PCDHA5: variants seen among roughly 807,000 people sequenced by gnomAD.
PCDHA5 encodes the protein protocadherin alpha 5, also known as protocadherin alpha-5.
PCDHA5 carries 43 observed loss-of-function variants against 61.6 expected under a neutral mutation model. That is an observed-to-expected ratio of 0.70 (90% confidence interval 0.55 to 0.90). PCDHA5 has a LOEUF of 0.90. Among genes scored for constraint, PCDHA5 ranks in the 40% least tolerant of loss-of-function variants. The pLI, the probability that PCDHA5 is intolerant of heterozygous loss-of-function variation, is 0.00. For missense variants in PCDHA5, 1,298 were observed against 1,222.7 expected, an observed-to-expected ratio of 1.06 and a Z score of -0.92; for synonymous variants, 627 against 543.9, an observed-to-expected ratio of 1.15 and a Z score of -2.13.
Position 141,010,339 on chromosome 5 carries a change from A to G in PCDHA5, c.*402A>G. 2 of 1,534,058 alleles carry G rather than the reference A, an allele frequency of 1.3e-6. No homozygotes were observed. Among genetic ancestry groups the G allele is most frequent in the East Asian group, 4.9e-5 (2 of 40,762 alleles). On this transcript the variant is annotated 3_prime_UTR_variant, in exon 4 of 4. Transcript: ENST00000529859. ...TTGAGCAGCTTGGGAGTTTGTGGCC[A>G]CTGGGTATGTGTGGCTACCGCGGGT...
chr5:140,841,310 C>T, intron 1 of PCDHA5: 1 of 1,550,948 alleles, frequency 6.4e-7, no homozygotes, highest in South Asian at 1.2e-5. Context: ...TGATAGGAAA[C>T]GACTATTTAA....
At chr5:140,927,015 G>C in intron 1 of PCDHA5, 1 of 1,612,466 alleles carries the variant, frequency 6.2e-7, no homozygotes, top group Non-Finnish European at 8.5e-7. Context: ...ATCTCTCCGC[G>C]GACTTGAGGC....
At chr5:140,986,981 A>G (rs1180752989) in intron 3 of PCDHA5, among the ~76,000 whole-genome samples, 1 of 152,146 alleles carries the variant, frequency 6.6e-6, no homozygotes, top group Non-Finnish European at 1.5e-5. Flanking sequence ...TGGGAGGCCA[A>G]GGCAGGCAGA....
rs2150427952 is a variant in PCDHA5 at position 140,848,985 on chromosome 5, G to A, written c.2352+24858G>A. On this transcript the variant is annotated intron_variant, in intron 1 of 3. Transcript: ENST00000529859. ...GGGCGCGTCCGATGCAGATATCGGG[G>A]AGAACGCCCTGCTCACTTACAGACT... is the stretch of plus-strand genomic sequence containing the variant. 9 of 1,598,558 alleles carry A rather than the reference G, an allele frequency of 5.6e-6. 1 individual carries two copies. The highest frequency in any genetic ancestry group is 6.0e-6 in the Non-Finnish European group (7 of 1,170,226).
chr5:140,839,720 A>G (rs1398284509), intron 1 of PCDHA5, among the ~76,000 whole-genome samples: 1 of 152,072 alleles, frequency 6.6e-6, no homozygotes, highest in Admixed American at 6.6e-5. Context: ...AATTTAAATC[A>G]TTTCACAGAA....
rs1319882145 is a variant in PCDHA5, at chr5:140,858,933, A to G, written c.2352+34806A>G. ...GCTTATACTGCCATAGTAGATTTCA[A>G]TGTTCAGTGATTACAGCTTTTTCTC... is the stretch of plus-strand genomic sequence containing the variant. On this transcript the variant is annotated intron_variant, in intron 1 of 3. Transcript: ENST00000529859. The G allele has an allele frequency of 6.2e-5, 10 of 160,710 alleles. 1 individual carries two copies. The highest frequency in any genetic ancestry group is 2.4e-4 in the African/African-American group (10 of 41,146). The allele number at this position is 160,710 out of a possible 1,614,324, so 10.0% of individuals were successfully genotyped here. A position where few individuals can be genotyped will look rare whatever the true frequency, so the allele number is the denominator to read the frequency against.
chr5:140,835,261 T>A (rs2150232896), intron 1 of PCDHA5: 1 of 1,608,418 alleles, frequency 6.2e-7, no homozygotes, highest in Admixed American at 1.7e-5. Flanking sequence ...AAATCCAAGT[T>A]CCACATGGAC....
At chr5:140,859,490 G>A (rs2045887766) in intron 1 of PCDHA5, 1 of 204,502 alleles carries the variant, frequency 4.9e-6, no homozygotes, top group Non-Finnish European at 9.6e-6. Context: ...CCTGAAATTG[G>A]TTGTTACCTG....
chr5:140,899,402 G>T (rs1465071147), intron 1 of PCDHA5, among the ~76,000 whole-genome samples: 2 of 152,004 alleles, frequency 1.3e-5, no homozygotes, highest in South Asian at 2.1e-4. Context: ...TAGCATGAAG[G>T]GTTGTTGAAT....
intron 1 of PCDHA5, among the ~76,000 whole-genome samples, chr5:140,921,231 T>C (rs1171159325): frequency 3.3e-5 from 5 of 152,122 alleles, no homozygotes; most frequent in African/African-American, 4.8e-5. Context: ...TGCTAGATGA[T>C]ATTAAGCCAC....
chr5:140,829,978 C>A (rs2150179032), intron 1 of PCDHA5: 17 of 1,613,848 alleles, frequency 1.1e-5, no homozygotes, highest in African/African-American at 4.0e-5. Flanking sequence ...TGTACACGGG[C>A]GAGATCAGCA....
chr5:140,912,530 A>C (rs2075961098), intron 1 of PCDHA5, among the ~76,000 whole-genome samples: 2 of 152,178 alleles, frequency 1.3e-5, no homozygotes, highest in East Asian at 1.9e-4. Context: ...TTCAGAGTAC[A>C]TGATCATATT....
intron 1 of PCDHA5, among the ~76,000 whole-genome samples, chr5:140,900,615 T>C (rs1554189289): frequency 1.3e-5 from 2 of 152,336 alleles, no homozygotes; most frequent in East Asian, 3.9e-4. Context: ...GACATGTAGA[T>C]TGCTTCCAAA....
chr5:140,840,060 C>A (rs2150302976), intron 1 of PCDHA5, among the ~76,000 whole-genome samples: 9 of 151,898 alleles, frequency 5.9e-5, no homozygotes, highest in Non-Finnish European at 1.3e-4. Flanking sequence ...AATGTCTTGA[C>A]AATTAGTCAA....
At chr5:140,928,685 A>G (rs899513448) in intron 1 of PCDHA5, 36 of 1,614,050 alleles carry the variant, frequency 2.2e-5, no homozygotes, top group Non-Finnish European at 3.1e-5. Context: ...TGGCTTTCCT[A>G]CCACATCTCC....
chr5:140,873,776 T>C (rs1001856431), intron 1 of PCDHA5, among the ~76,000 whole-genome samples: 13 of 152,208 alleles, frequency 8.5e-5, no homozygotes, highest in Non-Finnish European at 1.9e-4. Context: ...TTCTCCTGCC[T>C]CAGCTTTCCG....
intron 3 of PCDHA5, among the ~76,000 whole-genome samples, chr5:140,994,222 CTA>C (rs1219184690): frequency 6.6e-6 from 1 of 152,168 alleles, no homozygotes; most frequent in Non-Finnish European, 1.5e-5. Context: ...CAGGGTCTGT[CTA>C]TGTTATAATC....
At chr5:140,871,082 C>G in intron 1 of PCDHA5, 1 of 1,613,246 alleles carries the variant, frequency 6.2e-7, no homozygotes, top group South Asian at 1.1e-5. Context: ...GCGCTGACGG[C>G]CACGGCCACC....
chr5:140,926,680 A>C (rs2153583997), intron 1 of PCDHA5: 1 of 637,102 alleles, frequency 1.6e-6, no homozygotes, highest in Non-Finnish European at 2.4e-6. Flanking sequence ...CCCAGCCTCC[A>C]GCCTAGCAAG....
Sources: allele counts gnomAD v4.1 joint callset (sites outside exome capture counted in the v4.1 genomes callset), GRCh38; gene constraint gnomAD v4.1.1; transcripts MANE v1.5; gene names NCBI Gene and HGNC (gene_info 2026-07-23, HGNC 2026-07-21).